Variants in CLN8 observed in about 807,000 individuals in gnomAD.
CLN8 encodes CLN8 transmembrane ER and ERGIC protein, also known as protein CLN8.
Under a neutral mutation model 15.7 loss-of-function variants are expected in CLN8, and 14 were observed. The ratio of observed to expected loss-of-function variants is 0.89; its 90% CI spans 0.59 to 1.39. The LOEUF (loss-of-function observed/expected upper bound fraction) is 1.39, where lower values mean the gene tolerates loss of function less well. Among genes scored for constraint, CLN8 ranks in the 40% most tolerant of loss-of-function variants. The pLI, the probability that CLN8 is intolerant of heterozygous loss-of-function variation, is 0.00. For synonymous variants in CLN8, 188 were observed against 151.0 expected (o/e 1.25, Z -1.80); for missense variants, 415 against 364.0 (o/e 1.14, Z -1.14).
In CLN8 at chr8:1,782,875, G is replaced by A. The variant is rs1801741675; in HGVS notation, c.*2308G>A. On this transcript the variant is annotated 3_prime_UTR_variant, in exon 3 of 3. Coordinates refer to ENST00000331222, the MANE Select transcript of CLN8 (RefSeq NM_018941.4). Reference sequence around the variant, plus strand: ...TCCACTAGGACTTTGACCTTCCCAGGGGTCCACACTTTACCTCCTGTATCT... The same window carrying A: ...TCCACTAGGACTTTGACCTTCCCAGAGGTCCACACTTTACCTCCTGTATCT... The A allele has an allele frequency of 1.3e-5, 2 of 152,180 alleles. No individual in the cohort carries two copies. Among genetic ancestry groups the A allele is most frequent in the Admixed American group, 6.5e-5 (1 of 15,270 alleles). 9.4% of individuals were successfully genotyped at this position (152,180 alleles called of 1,614,324 possible).
In CLN8 at chr8:1,771,114, C is replaced by A; in HGVS notation, c.60C>A (p.Ser20=). ...SESIFDLDYA[S]WGIRSTLMVA... ...GCATTTTTGACCTGGACTATGCATC[C>A]TGGGGGATCCGCTCCACGCTGATGG... The change falls in exon 2 of 3, where the codon TCC becomes TCA. Residue 20 remains serine (S), a synonymous_variant. Coordinates refer to ENST00000331222, the MANE Select transcript of CLN8 (RefSeq NM_018941.4). 6.2e-7 allele frequency: 1 copy of A among 1,614,038 alleles called. No individual in the cohort carries two copies. The highest frequency in any genetic ancestry group is 8.5e-7 in the Non-Finnish European group (1 of 1,180,008).
In CLN8 at chr8:1,780,444, T is replaced by C. The variant is rs2129015283; in HGVS notation, c.738T>C (p.Asn246=). Residue 246 remains asparagine (N), a synonymous_variant, in exon 3 of 3, where the codon AAT becomes AAC. Coordinates refer to ENST00000331222, the MANE Select transcript of CLN8 (RefSeq NM_018941.4). ...VGLALLTLII[N]PYWTHKKTQQ... The stretch of plus-strand genomic sequence containing the variant: ...TGGCTCTGCTTACGCTAATCATTAA[T>C]CCATATTGGACCCATAAGAAGACTC... The C allele has an allele frequency of 1.2e-6, 2 of 1,614,208 alleles. No individual in the cohort carries two copies. Among genetic ancestry groups the C allele is most frequent in the Non-Finnish European group, 1.7e-6 (2 of 1,180,038 alleles).
Position 1,771,511 on chromosome 8 carries a change from C to G in CLN8, c.457C>G (p.Leu153Val), listed in dbSNP as rs755276576. Reference sequence around the variant, plus strand: ...TGGGTTTCTTGGCTGCTTGGTCAATCTCCAAGCTGGCCACTATCTAGCTAT... The same window carrying G: ...TGGGTTTCTTGGCTGCTTGGTCAATGTCCAAGCTGGCCACTATCTAGCTAT... ...FLGFLGCLVN[L>V]QAGHYLAMTT... Residue 153 changes from leucine (L) to valine (V), a missense_variant, in exon 2 of 3, where the codon CTC (leucine) becomes GTC (valine). Physicochemically the swap from Leu to Val is conservative, Grantham distance 32. Transcript: ENST00000331222. 6.2e-7 allele frequency: 1 copy of G among 1,614,004 alleles called. No individual in the cohort carries two copies. The highest frequency in any genetic ancestry group is 8.5e-7 in the Non-Finnish European group (1 of 1,180,000).
In CLN8 at chr8:1,785,870, G is replaced by C. The variant is rs189934048; in HGVS notation, c.*5303G>C. On this transcript the variant is annotated 3_prime_UTR_variant, in exon 3 of 3. Coordinates refer to ENST00000331222, the MANE Select transcript of CLN8 (RefSeq NM_018941.4). ...ATGTCACAAGAGGAGCACAGGCAGG[G>C]GTGTTGGTGTTGGGGCAGCCCTCAG... The C allele has an allele frequency of 1.3e-3, 199 of 156,514 alleles. No individual in the cohort carries two copies. The highest frequency in any genetic ancestry group is 4.5e-3 in the African/African-American group (186 of 41,586). The allele number at this position is 156,514 out of a possible 1,614,324, so 9.7% of individuals were successfully genotyped here. A position where few individuals can be genotyped will look rare whatever the true frequency, so the allele number is the denominator to read the frequency against.
rs909579577 is a variant in CLN8 at position 1,757,477 on chromosome 8, G to A, written c.-124+1395G>A. Among the ~76,000 whole-genome samples the A allele has an allele frequency of 4.9e-4, 74 of 152,282 alleles. 1 individual carries two copies. Among genetic ancestry groups the A allele is most frequent in the African/African-American group, 1.7e-3 (71 of 41,564 alleles). ...GTTTTTTGAGATGGAGTCTTGCTCT[G>A]TAGTCTAGGCTGGAGTGCAGTGGCA... is the stretch of plus-strand genomic sequence containing the variant. On this transcript the variant is annotated intron_variant, in intron 1 of 1. Coordinates refer to the CLN8 transcript ENST00000524258.
intron 2 of CLN8, among the ~76,000 whole-genome samples, chr8:1,779,010 G>A (rs935238033): frequency 9.9e-5 from 15 of 152,168 alleles, no homozygotes; most frequent in Non-Finnish European, 2.1e-4. Flanking sequence ...CACAAAGCCT[G>A]TTTTACAACA....
chr8:1,759,388 G>A (rs1249298359), upstream of CLN8: 1 of 152,480 alleles, frequency 6.6e-6, no homozygotes, highest in African/African-American at 2.4e-5. Context: ...GTACAGCCAC[G>A]GAGAGGGTGA....
chr8:1,756,361 G>C (rs1021155856), intron 1 of CLN8, among the ~76,000 whole-genome samples: 1 of 151,954 alleles, frequency 6.6e-6, no homozygotes, highest in African/African-American at 2.4e-5. Context: ...GTATGTACCT[G>C]TAGTCCCAGC....
chr8:1,761,845 T>G (rs1800804725), upstream of CLN8: 1 of 152,232 alleles, frequency 6.6e-6, no homozygotes, highest in Non-Finnish European at 1.5e-5. Flanking sequence ...TCTCAAGCAC[T>G]GTTGTTAGGT....
rs187124798 is a variant in CLN8 at position 1,785,695 on chromosome 8, C to T, written c.*5128C>T. ...GGCGTGGGGTTAGACAGGTACCGGT[C>T]AGATTACGGTGGCACAGGCTGCGTG... On this transcript the variant is annotated 3_prime_UTR_variant, in exon 3 of 3. Transcript: ENST00000331222. 2.2e-5 allele frequency: 3 copies of T among 137,890 alleles called. No individual in the cohort carries two copies. The highest frequency in any genetic ancestry group is 3.1e-5 in the Non-Finnish European group (2 of 63,788). The allele number at this position is 137,890 out of a possible 1,614,324, so 8.5% of individuals were successfully genotyped here. A position where few individuals can be genotyped will look rare whatever the true frequency, so the allele number is the denominator to read the frequency against.
chr8:1,757,835 G>A (rs140102012), intron 1 of CLN8, among the ~76,000 whole-genome samples: 11 of 152,260 alleles, frequency 7.2e-5, no homozygotes, highest in African/African-American at 2.6e-4. Context: ...TGATAATTAC[G>A]GCTATTATCT....
rs1801806475 is a variant in CLN8 at position 1,785,356 on chromosome 8, G to T, written c.*4789G>T. The stretch of plus-strand genomic sequence containing the variant: ...CGGTCAGATTACGGTGGCACAGGCG[G>T]CGTGGGGTTAGACAGGTACCGGTCA... On this transcript the variant is annotated 3_prime_UTR_variant, in exon 3 of 3. Coordinates refer to ENST00000331222, the MANE Select transcript of CLN8 (RefSeq NM_018941.4). The T allele has an allele frequency of 6.5e-6, 1 of 154,116 alleles. No homozygotes were observed. The highest frequency in any genetic ancestry group is 1.4e-5 in the Non-Finnish European group (1 of 71,500). The allele number at this position is 154,116 out of a possible 1,614,324, so 9.5% of individuals were successfully genotyped here.
At chr8:1,757,934 C>T (rs1462567178) in intron 1 of CLN8, among the ~76,000 whole-genome samples, 1 of 152,122 alleles carries the variant, frequency 6.6e-6, no homozygotes, top group Non-Finnish European at 1.5e-5. Context: ...GTCTAGCTTT[C>T]ATGTTGGAGG....
chr8:1,780,328 A>G lies in CLN8; in HGVS notation c.622A>G (p.Thr208Ala). The G allele has an allele frequency of 6.2e-7, 1 of 1,614,202 alleles. No individual in the cohort carries two copies. The highest frequency in any genetic ancestry group is 8.5e-7 in the Non-Finnish European group (1 of 1,180,044). Residue 208 changes from threonine to alanine, a missense_variant, in exon 3 of 3, where the codon ACC becomes GCC. Thr to Ala is a moderately conservative substitution (Grantham distance 58). Transcript: ENST00000331222. ...IHMFHCRMVL[T>A]YHMWWVCFWH... ...CATGTTTCACTGCCGCATGGTTCTAACCTACCACATGTGGTGGGTGTGTTT... is the reference window on the plus strand; with the variant it reads ...CATGTTTCACTGCCGCATGGTTCTAGCCTACCACATGTGGTGGGTGTGTTT...
intron 2 of CLN8, among the ~76,000 whole-genome samples, chr8:1,777,365 C>T (rs1049137055): frequency 6.6e-6 from 1 of 152,180 alleles, no homozygotes; most frequent in Admixed American, 6.5e-5. Flanking sequence ...AGTGTGAGGG[C>T]CTAGAACGTC....
At chr8:1,780,050 G>T (rs1801660294) in intron 2 of CLN8, 200 bp from the exon 3 acceptor site, 6 of 985,474 alleles carry the variant, frequency 6.1e-6, no homozygotes, top group Non-Finnish European at 7.2e-6. Context: ...AGCCCTGCTG[G>T]CCCAGGTGCG....
At chr8:1,753,711 C>T (rs966845527), upstream of CLN8, among the ~76,000 whole-genome samples, 3 of 151,384 alleles carry the variant, frequency 2.0e-5, no homozygotes, top group African/African-American at 7.3e-5. Flanking sequence ...TGGTGAAACC[C>T]CGTCTCTACT....
chr8:1,761,804 C>G (rs1053632239), upstream of CLN8, among the ~76,000 whole-genome samples: 1 of 152,234 alleles, frequency 6.6e-6, no homozygotes, highest in African/African-American at 2.4e-5. Context: ...ATGGTCCCAG[C>G]TAATTCAGCA....
In CLN8 at chr8:1,782,185, C is replaced by T. The variant is rs62476924; in HGVS notation, c.*1618C>T. 2 of 152,016 alleles carry T rather than the reference C, an allele frequency of 1.3e-5. No homozygotes were observed. The highest frequency in any genetic ancestry group is 6.6e-5 in the Admixed American group (1 of 15,254). The allele number at this position is 152,016 out of a possible 1,614,324, so 9.4% of individuals were successfully genotyped here. A position where few individuals can be genotyped will look rare whatever the true frequency, so the allele number is the denominator to read the frequency against. Reference sequence around the variant, plus strand: ...TTTGAGACGGAGCCTGGCTTTGGCTCCCAGGCTGGAGTCCAGTGGTGTGAT... The same window carrying T: ...TTTGAGACGGAGCCTGGCTTTGGCTTCCAGGCTGGAGTCCAGTGGTGTGAT... On this transcript the variant is annotated 3_prime_UTR_variant, in exon 3 of 3. Coordinates refer to ENST00000331222, the MANE Select transcript of CLN8 (RefSeq NM_018941.4).
Sources: allele counts gnomAD v4.1 joint callset (sites outside exome capture counted in the v4.1 genomes callset), GRCh38; gene constraint gnomAD v4.1.1; transcripts MANE v1.5; gene names NCBI Gene and HGNC (gene_info 2026-07-23, HGNC 2026-07-21).